The following DTNBP1 variants were observed in gnomAD, a reference collection of about 807,000 sequenced individuals.
DTNBP1 encodes the protein dysbindin.
In DTNBP1, 35 loss-of-function variants were observed where a neutral mutation model predicts 42.8. The ratio of observed to expected loss-of-function variants is 0.82; its 90% CI spans 0.63 to 1.09. The LOEUF is 1.09. Among genes scored for constraint, DTNBP1 ranks in the 50% least tolerant of loss-of-function variants. The pLI is 0.00. For missense variants in DTNBP1, 457 were observed against 424.2 expected, an observed-to-expected ratio of 1.08 and a Z score of -0.68; for synonymous variants, 171 against 162.2, an observed-to-expected ratio of 1.05 and a Z score of -0.41.
At chr6:15,545,144 T>C (rs1429342530) in intron 7 of DTNBP1, among the ~76,000 whole-genome samples, 3 of 152,048 alleles carry the variant, frequency 2.0e-5, no homozygotes, top group Non-Finnish European at 4.4e-5. Flanking sequence ...CTTAAACAAA[T>C]GAATACAAAT....
intron 1 of DTNBP1, among the ~76,000 whole-genome samples, chr6:15,659,833 T>C (rs1481478658): frequency 6.6e-6 from 1 of 152,116 alleles, no homozygotes; most frequent in Non-Finnish European, 1.5e-5. Flanking sequence ...ATTACAGGTG[T>C]GAGCCACCGC....
intron 7 of DTNBP1, among the ~76,000 whole-genome samples, chr6:15,534,639 G>C (rs1290860549): frequency 7.9e-6 from 1 of 126,396 alleles, no homozygotes; most frequent in East Asian, 2.3e-4. Flanking sequence ...CAGCCTGGGA[G>C]ACAGAGCGAG....
intron 7 of DTNBP1, among the ~76,000 whole-genome samples, chr6:15,560,688 C>T (rs997238313): frequency 7.2e-5 from 11 of 152,140 alleles, no homozygotes; most frequent in African/African-American, 2.4e-4. Context: ...CTACACAGTC[C>T]CTGCATAGGG....
chr6:15,609,517 C>T (rs1248448195), intron 6 of DTNBP1, among the ~76,000 whole-genome samples: 1 of 152,078 alleles, frequency 6.6e-6, no homozygotes, highest in Non-Finnish European at 1.5e-5. Flanking sequence ...GACAGGTTTT[C>T]ACCATGTTAG....
chr6:15,646,973 A>G (rs1760718750), intron 3 of DTNBP1, among the ~76,000 whole-genome samples: 1 of 152,070 alleles, frequency 6.6e-6, no homozygotes, highest in Non-Finnish European at 1.5e-5. Context: ...ATTTATGACT[A>G]AGACATCAAA....
chr6:15,585,536 G>T (rs983408348), intron 7 of DTNBP1, among the ~76,000 whole-genome samples: 6 of 151,442 alleles, frequency 4.0e-5, no homozygotes, highest in Non-Finnish European at 8.8e-5. Flanking sequence ...GTAATAGAAA[G>T]AACTAATAAT....
Position 15,594,801 on chromosome 6 carries a change from C to T in DTNBP1, c.489-1720G>A, listed in dbSNP as rs186686998. 6.6e-4 allele frequency among the ~76,000 whole-genome samples: 100 copies of T among 151,604 alleles called. 2 individuals carry two copies. Among genetic ancestry groups the T allele is most frequent in the Admixed American group, 6.3e-3 (95 of 15,200 alleles). On this transcript the variant is annotated intron_variant, in intron 6 of 9. Transcript: ENST00000344537. ...TATGATTACAATGTTTAGAGAGCTTCTAATTTTCTTCTTTTAGAATGTGTG... is the reference window on the plus strand; with the variant it reads ...TATGATTACAATGTTTAGAGAGCTTTTAATTTTCTTCTTTTAGAATGTGTG...
intron 7 of DTNBP1, among the ~76,000 whole-genome samples, chr6:15,578,202 C>T (rs529670386): frequency 2.6e-5 from 4 of 152,154 alleles, no homozygotes; most frequent in Admixed American, 1.3e-4. Flanking sequence ...AGTAAGCCGA[C>T]GCTGGGAGGA....
chr6:15,613,324 A>G (rs1490777703), intron 6 of DTNBP1, among the ~76,000 whole-genome samples: 2 of 141,470 alleles, frequency 1.4e-5, no homozygotes. Context: ...AAAAAAAAAA[A>G]AAAAAAAATG....
intron 7 of DTNBP1, among the ~76,000 whole-genome samples, chr6:15,567,022 T>C (rs1414718563): frequency 6.6e-6 from 1 of 152,184 alleles, no homozygotes; most frequent in Non-Finnish European, 1.5e-5. Context: ...AACTAGGTCT[T>C]TCCCCTTCCA....
intron 1 of DTNBP1, among the ~76,000 whole-genome samples, chr6:15,658,200 G>T (rs985927374): frequency 6.6e-6 from 1 of 152,176 alleles, no homozygotes; most frequent in African/African-American, 2.4e-5. Context: ...CTATGAAAAA[G>T]GACACTTTGA....
chr6:15,590,660 A>C (rs983473453), intron 7 of DTNBP1, among the ~76,000 whole-genome samples: 4 of 152,236 alleles, frequency 2.6e-5, no homozygotes, highest in South Asian at 2.1e-4. Context: ...AAAATTTTAA[A>C]TGAATGCAGT....
intron 1 of DTNBP1, among the ~76,000 whole-genome samples, chr6:15,653,329 C>A (rs981933545): frequency 2.0e-5 from 3 of 152,180 alleles, no homozygotes; most frequent in Admixed American, 2.0e-4. Flanking sequence ...CATCTATTAA[C>A]CTGAAACCAA....
chr6:15,621,521 G>A (rs1195157145), intron 5 of DTNBP1, among the ~76,000 whole-genome samples: 2 of 152,208 alleles, frequency 1.3e-5, no homozygotes, highest in African/African-American at 4.8e-5. Context: ...AATTCCTAAT[G>A]AGAAACAAAC....
At chr6:15,646,719 G>A (rs1760701212) in intron 3 of DTNBP1, among the ~76,000 whole-genome samples, 2 of 151,678 alleles carry the variant, frequency 1.3e-5, no homozygotes, top group South Asian at 4.1e-4. Flanking sequence ...AAGTCACACA[G>A]CTACAACTAA....
chr6:15,660,482 C>T, intron 1 of DTNBP1: 3 of 1,289,784 alleles, frequency 2.3e-6, no homozygotes, highest in Non-Finnish European at 3.0e-6. Flanking sequence ...AGGCTAATGG[C>T]ACACACTGAC....
chr6:15,544,676 T>C (rs1209446556), intron 7 of DTNBP1, among the ~76,000 whole-genome samples: 12 of 152,238 alleles, frequency 7.9e-5, no homozygotes, highest in Admixed American at 7.8e-4. Flanking sequence ...TGGGAGCATT[T>C]AGGATTTCAG....
intron 3 of DTNBP1, among the ~76,000 whole-genome samples, chr6:15,641,617 C>T (rs966720697): frequency 2.6e-4 from 40 of 152,268 alleles, no homozygotes; most frequent in Admixed American, 9.2e-4. Flanking sequence ...TGTGTACATG[C>T]GTGTCCACAC....
At chr6:15,622,695 T>C (rs977414631) in intron 5 of DTNBP1, among the ~76,000 whole-genome samples, 1 of 152,168 alleles carries the variant, frequency 6.6e-6, no homozygotes. Flanking sequence ...GTGAAAGAGA[T>C]AGGTAGAATT....
Sources: allele counts gnomAD v4.1 joint callset (sites outside exome capture counted in the v4.1 genomes callset), GRCh38; gene constraint gnomAD v4.1.1; transcripts MANE v1.5; gene names NCBI Gene and HGNC (gene_info 2026-07-23, HGNC 2026-07-21).